Variants in EBF1 observed in about 807,000 individuals in gnomAD.
EBF1 encodes transcription factor COE1.
EBF1 carries 10 observed loss-of-function variants against 68.4 expected under a neutral mutation model. That is an observed-to-expected ratio of 0.15 (90% CI 0.09 to 0.25). The LOEUF (loss-of-function observed/expected upper bound fraction) is 0.25, where lower values mean the gene tolerates loss of function less well. EBF1 is among the 10% of genes least tolerant of loss of function. The pLI, the probability that EBF1 is intolerant of heterozygous loss-of-function variation, is 1.00. For missense variants in EBF1, 509 were observed against 794.4 expected (o/e 0.64, Z 4.32); for synonymous variants, 298 against 299.8 (o/e 0.99, Z 0.06).
intron 6 of EBF1, among the ~76,000 whole-genome samples, chr5:158,911,370 C>T (rs750645882): frequency 1.4e-4 from 22 of 152,176 alleles, no homozygotes; most frequent in African/African-American, 5.3e-4. Context: ...TGACTGTTTA[C>T]TTCTATCACT....
At chr5:159,068,849 C>T (rs995149509) in intron 6 of EBF1, among the ~76,000 whole-genome samples, 1 of 152,006 alleles carries the variant, frequency 6.6e-6, no homozygotes, top group African/African-American at 2.4e-5. Flanking sequence ...GAGACCCTTG[C>T]GTAAGTGTGA....
chr5:159,004,536 AGGTAG>A (rs1763183549), intron 6 of EBF1, among the ~76,000 whole-genome samples: 2 of 22,620 alleles, frequency 8.8e-5, no homozygotes, highest in Non-Finnish European at 3.2e-4. Flanking sequence ...GAGAGGTAGT[AGGTAG>A]GTAGGTAGGT....
intron 6 of EBF1, among the ~76,000 whole-genome samples, chr5:158,978,221 C>T (rs984919277): frequency 2.6e-5 from 4 of 152,340 alleles, no homozygotes; most frequent in Admixed American, 1.3e-4. Flanking sequence ...CGCCCCGGTG[C>T]GCCCTGACCC....
At chr5:158,872,644 A>C (rs1797084009) in intron 6 of EBF1, among the ~76,000 whole-genome samples, 1 of 152,238 alleles carries the variant, frequency 6.6e-6, no homozygotes, top group Non-Finnish European at 1.5e-5. Context: ...TAAGAACTAC[A>C]TAATTTATTC....
intron 8 of EBF1, among the ~76,000 whole-genome samples, chr5:158,813,550 C>T (rs932359227): frequency 6.6e-6 from 1 of 152,160 alleles, no homozygotes; most frequent in African/African-American, 2.4e-5. Context: ...ATCCTTTCAC[C>T]TGGGCATTTT....
At chr5:158,760,664 G>C (rs1421026530) in intron 10 of EBF1, among the ~76,000 whole-genome samples, 1 of 152,132 alleles carries the variant, frequency 6.6e-6, no homozygotes, top group Non-Finnish European at 1.5e-5. Flanking sequence ...AAGGAATGCT[G>C]TTCTTTCTTT....
chr5:159,061,733 T>G (rs78296842), intron 6 of EBF1, among the ~76,000 whole-genome samples: 1 of 151,794 alleles, frequency 6.6e-6, no homozygotes, highest in African/African-American at 2.4e-5. Flanking sequence ...TGTTTTGTTT[T>G]TTTTTTTTTT....
At chr5:158,946,032 C>T (rs1412846009) in intron 6 of EBF1, among the ~76,000 whole-genome samples, 1 of 152,144 alleles carries the variant, frequency 6.6e-6, no homozygotes, top group East Asian at 1.9e-4. Context: ...TCAGCTCCAT[C>T]AGGTCATTTA....
intron 10 of EBF1, among the ~76,000 whole-genome samples, chr5:158,776,918 G>A (rs530661417): frequency 7.2e-5 from 11 of 152,284 alleles, no homozygotes; most frequent in Non-Finnish European, 1.6e-4. Context: ...GCCGCAAGGC[G>A]GATCCATGTG....
intron 7 of EBF1, among the ~76,000 whole-genome samples, chr5:158,832,342 G>A (rs1787764417): frequency 6.6e-6 from 1 of 152,186 alleles, no homozygotes; most frequent in Admixed American, 6.5e-5. Flanking sequence ...ATACATATTT[G>A]CCCAATAAGC....
intron 6 of EBF1, among the ~76,000 whole-genome samples, chr5:159,019,645 G>C (rs1385952039): frequency 6.6e-6 from 1 of 152,154 alleles, no homozygotes; most frequent in Non-Finnish European, 1.5e-5. Flanking sequence ...AGGTTTCAAA[G>C]ATTGCAAAGA....
chr5:158,763,729 T>C (rs1490412706), intron 10 of EBF1, among the ~76,000 whole-genome samples: 1 of 152,238 alleles, frequency 6.6e-6, no homozygotes, highest in Non-Finnish European at 1.5e-5. Context: ...GATTTTCATA[T>C]ACATTCAAAA....
intron 6 of EBF1, among the ~76,000 whole-genome samples, chr5:158,880,599 A>C (rs1370439207): frequency 1.3e-5 from 2 of 152,228 alleles, no homozygotes; most frequent in African/African-American, 4.8e-5. Flanking sequence ...GATGCAGATC[A>C]AAATGCAATA....
intron 6 of EBF1, among the ~76,000 whole-genome samples, chr5:159,062,520 T>C (rs1406277577): frequency 6.6e-6 from 1 of 152,130 alleles, no homozygotes; most frequent in Non-Finnish European, 1.5e-5. Context: ...CATTAACCCT[T>C]CAATCTCCAG....
chr5:158,961,366 G>A (rs1437909036), intron 6 of EBF1, among the ~76,000 whole-genome samples: 3 of 152,116 alleles, frequency 2.0e-5, no homozygotes, highest in African/African-American at 7.2e-5. Context: ...TACACAAGGT[G>A]GCTCATTGCT....
At chr5:158,970,134 T>C (rs1755319951) in intron 6 of EBF1, among the ~76,000 whole-genome samples, 1 of 152,200 alleles carries the variant, frequency 6.6e-6, no homozygotes, top group Non-Finnish European at 1.5e-5. Context: ...ATGAATCTTA[T>C]AAAATATTTT....
At chr5:159,068,642 C>G (rs1174243379) in intron 6 of EBF1, among the ~76,000 whole-genome samples, 2 of 152,194 alleles carry the variant, frequency 1.3e-5, no homozygotes, top group East Asian at 3.9e-4. Context: ...CATGGTTAAG[C>G]TTTTCCGTTC....
At chr5:159,086,592 C>T (rs920857526) in intron 4 of EBF1, among the ~76,000 whole-genome samples, 2 of 152,168 alleles carry the variant, frequency 1.3e-5, no homozygotes, top group African/African-American at 4.8e-5. Flanking sequence ...TTACATACTT[C>T]AGGGCAGGGA....
chr5:158,920,082 T>G (rs1353477699), intron 6 of EBF1, among the ~76,000 whole-genome samples: 1 of 152,196 alleles, frequency 6.6e-6, no homozygotes, highest in Non-Finnish European at 1.5e-5. Flanking sequence ...TTGCAACATA[T>G]ATATATGAGA....
Sources: gnomAD v4.1 joint callset for allele counts (sites outside exome capture counted in the v4.1 genomes callset) on GRCh38, gnomAD v4.1.1 for gene constraint, MANE v1.5 for transcripts, NCBI Gene and HGNC (gene_info 2026-07-23, HGNC 2026-07-21) for gene names.